GAB4: variants seen among roughly 807,000 people sequenced by gnomAD.
The protein encoded by GAB4 is GRB2 associated binding protein family member 4.
A neutral mutation model predicts 51.3 loss-of-function variants in GAB4; 26 were observed. The observed-to-expected ratio is 0.51, with a 90% CI of 0.37 to 0.70. GAB4 has a LOEUF of 0.70. Among genes scored for constraint, GAB4 ranks in the 30% least tolerant of loss-of-function variants. The probability of loss-of-function intolerance (pLI) is 0.00; values close to 1 mark genes in which losing one functional copy is unlikely to be tolerated. For synonymous variants in GAB4, 329 were observed against 291.2 expected, an observed-to-expected ratio of 1.13 and a Z score of -1.32; for missense variants, 759 against 734.6, an observed-to-expected ratio of 1.03 and a Z score of -0.38.
intron 3 of GAB4, among the ~76,000 whole-genome samples, chr22:16,973,407 G>A (rs1459203128): frequency 1.3e-5 from 2 of 152,102 alleles, no homozygotes; most frequent in African/African-American, 2.4e-5. Flanking sequence ...TCCTGAGCTT[G>A]GCCCAAACAC....
intron 3 of GAB4, among the ~76,000 whole-genome samples, chr22:16,984,722 C>T (rs2123691629): frequency 6.6e-6 from 1 of 152,276 alleles, no homozygotes; most frequent in Non-Finnish European, 1.5e-5. Flanking sequence ...TCATATAGCT[C>T]TGTTACACTG....
At chr22:16,976,229 A>C (rs1027500151) in intron 3 of GAB4, among the ~76,000 whole-genome samples, 1 of 152,358 alleles carries the variant, frequency 6.6e-6, no homozygotes, top group Admixed American at 6.5e-5. Context: ...TCTGAGCTAA[A>C]GGAGCATGTT....
intron 1 of GAB4, among the ~76,000 whole-genome samples, chr22:16,996,720 G>T (rs1255096078): frequency 6.6e-6 from 1 of 152,034 alleles, no homozygotes; most frequent in African/African-American, 2.4e-5. Flanking sequence ...GTGCAGGTTT[G>T]TTACATATGT....
At chr22:17,000,299 T>G (rs916135440) in intron 1 of GAB4, among the ~76,000 whole-genome samples, 2 of 152,162 alleles carry the variant, frequency 1.3e-5, no homozygotes, top group Non-Finnish European at 2.9e-5. Context: ...GGTCTCTAAG[T>G]ATAGGCTTTA....
chr22:16,973,725 A>G (rs1431161471), intron 3 of GAB4, among the ~76,000 whole-genome samples: 2 of 152,196 alleles, frequency 1.3e-5, no homozygotes, highest in Admixed American at 6.5e-5. Flanking sequence ...CCATCAGCAC[A>G]TGCACTCACT....
intron 3 of GAB4, among the ~76,000 whole-genome samples, chr22:16,983,776 A>G (rs910427006): frequency 2.6e-5 from 4 of 152,318 alleles, no homozygotes; most frequent in African/African-American, 7.2e-5. Flanking sequence ...CTAGAGCCCT[A>G]TCTCTCACCC....
chr22:16,989,258 C>T (rs1164980077), intron 2 of GAB4, among the ~76,000 whole-genome samples: 3 of 152,210 alleles, frequency 2.0e-5, no homozygotes, highest in Non-Finnish European at 4.4e-5. Flanking sequence ...ATGATGTGAT[C>T]GCTAAGTGGG....
intron 9 of GAB4, among the ~76,000 whole-genome samples, chr22:16,963,339 A>T (rs1186316020): frequency 6.6e-6 from 1 of 152,202 alleles, no homozygotes; most frequent in Non-Finnish European, 1.5e-5. Flanking sequence ...TGGACCCAGG[A>T]GTTCCTTCTG....
chr22:16,978,014 T>G (rs541272721), intron 3 of GAB4, among the ~76,000 whole-genome samples: 1 of 152,114 alleles, frequency 6.6e-6, no homozygotes, highest in East Asian at 1.9e-4. Flanking sequence ...CCACAATCTC[T>G]GGGACACAGC....
chr22:17,007,886 G>A, intron 1 of GAB4, 55 bp downstream of exon 1: 5 of 1,464,998 alleles, frequency 3.4e-6, no homozygotes, highest in Non-Finnish European at 3.7e-6. Context: ...CGCCCCTCCC[G>A]GAGTCCCCAG....
intron 3 of GAB4, among the ~76,000 whole-genome samples, chr22:16,981,944 A>T (rs1434922815): frequency 6.6e-6 from 1 of 152,222 alleles, no homozygotes; most frequent in East Asian, 1.9e-4. Context: ...ACATTAATAG[A>T]TTCAAAAACA....
At chr22:16,989,638 T>C (rs1451031155) in intron 2 of GAB4, among the ~76,000 whole-genome samples, 1 of 152,198 alleles carries the variant, frequency 6.6e-6, no homozygotes, top group Non-Finnish European at 1.5e-5. Flanking sequence ...ATGAATGCTC[T>C]ACCAGTGGAG....
chr22:16,961,980 C>T lies in GAB4; in HGVS notation c.*753G>A, dbSNP rs1460326796. The T allele has an allele frequency of 2.0e-5, 3 of 152,392 alleles. No homozygotes were observed. The highest frequency in any genetic ancestry group is 6.5e-5 in the Admixed American group (1 of 15,290). 9.4% of individuals were successfully genotyped at this position (152,392 alleles called of 1,614,324 possible). ...GCCTTCTTAGGCAGGCAAGGGCCCC[C>T]CAAGGGGCATCAGCAAAGAGCAGCA... On this transcript the variant is annotated 3_prime_UTR_variant, in exon 10 of 10. Transcript: ENST00000400588.
chr22:16,966,286 T>C lies in GAB4; in HGVS notation c.1102A>G (p.Thr368Ala), dbSNP rs371097589. The C allele has an allele frequency of 1.9e-6, 3 of 1,613,516 alleles. No individual in the cohort carries two copies. Among genetic ancestry groups the C allele is most frequent in the African/African-American group, 2.7e-5 (2 of 74,842 alleles). ...SCVPMNPGSP[T>A]LPAVKQAGDD... Reference sequence around the variant, plus strand: ...CCTGCTTGCTTCACAGCCGGCAGGGTAGGGGAGCCTGGGTTCATGGGCACA... The same window carrying C: ...CCTGCTTGCTTCACAGCCGGCAGGGCAGGGGAGCCTGGGTTCATGGGCACA... Residue 368 changes from threonine to alanine, a missense_variant, in exon 6 of 10, where the codon ACC becomes GCC. Physicochemically the swap from Thr to Ala is moderately conservative, Grantham distance 58. Around this residue, in one of 3 missense-constraint regions of GAB4, gnomAD observed 588 missense variants for 510.2 expected, o/e 1.15. Transcript: ENST00000400588.
At chr22:16,994,783 A>C (rs1361472916) in intron 1 of GAB4, among the ~76,000 whole-genome samples, 2 of 152,148 alleles carry the variant, frequency 1.3e-5, no homozygotes, top group African/African-American at 4.8e-5. Context: ...ATTTCTTTTT[A>C]ATGCTTGTTA....
intron 2 of GAB4, among the ~76,000 whole-genome samples, chr22:16,990,355 TGGTTTTGTTCTC>T: frequency 6.6e-6 from 1 of 152,198 alleles, no homozygotes; most frequent in Middle Eastern, 3.2e-3. Context: ...CTTTTTGAAA[TGGTTTTGTTCTC>T]AGAATCAAGC....
chr22:16,968,169 G>C, intron 5 of GAB4, 129 bp downstream of exon 5: 1 of 692,250 alleles, frequency 1.4e-6, no homozygotes, highest in South Asian at 1.7e-5. Flanking sequence ...TCTGAACTGA[G>C]GCAAGAACCT....
chr22:16,996,678 A>G (rs1274943811), intron 1 of GAB4, among the ~76,000 whole-genome samples: 1 of 152,114 alleles, frequency 6.6e-6, no homozygotes, highest in Non-Finnish European at 1.5e-5. Context: ...TATTATTATT[A>G]TACTTTAAGT....
In GAB4 at chr22:16,962,906, G is replaced by C. The variant is rs770267215; in HGVS notation, c.1582-30C>G. On this transcript the variant is annotated intron_variant, in intron 9 of 9. Coordinates refer to ENST00000400588, the MANE Select transcript of GAB4 (RefSeq NM_001037814.1). ...GGGACAGAGGGTGGAAGTGGGAGTG[G>C]CAGTGTCTGTGAGTTCCTGGTGAGG... The C allele has an allele frequency of 2.5e-6, 4 of 1,597,826 alleles. No homozygotes were observed. In the African/African-American group the frequency reaches 5.4e-5, roughly 21 times the overall value.
Sources: allele counts gnomAD v4.1 joint callset (sites outside exome capture counted in the v4.1 genomes callset), GRCh38; gene constraint gnomAD v4.1.1; regional missense constraint gnomAD v4.1.1; transcripts MANE v1.5; gene names NCBI Gene and HGNC (gene_info 2026-07-23, HGNC 2026-07-21).